The following SDK1 variants were observed in gnomAD, a reference collection of about 807,000 sequenced individuals.
SDK1 encodes the protein sidekick cell adhesion molecule 1.
SDK1 carries 157 observed loss-of-function variants against 245.5 expected under a neutral mutation model. The ratio of observed to expected loss-of-function variants is 0.64; its 90% confidence interval spans 0.56 to 0.73. The LOEUF (loss-of-function observed/expected upper bound fraction) is 0.73, where lower values mean the gene tolerates loss of function less well. SDK1 is among the 30% of genes least tolerant of loss of function. The pLI is 0.00. For synonymous variants in SDK1, 1,647 were observed against 1,278.5 expected, an observed-to-expected ratio of 1.29 and a Z score of -6.15; for missense variants, 3,583 against 3,002.3, an observed-to-expected ratio of 1.19 and a Z score of -4.52.
chr7:4,207,293 C>A (rs1468623566), intron 36 of SDK1, among the ~76,000 whole-genome samples: 2 of 152,216 alleles, frequency 1.3e-5, no homozygotes, highest in African/African-American at 2.4e-5. Flanking sequence ...TGGTTTAGAC[C>A]CACAGAGCCA....
chr7:3,712,476 A>C (rs1323877539), intron 4 of SDK1, among the ~76,000 whole-genome samples: 1 of 152,220 alleles, frequency 6.6e-6, no homozygotes, highest in Non-Finnish European at 1.5e-5. Flanking sequence ...TAATAGAATT[A>C]AAGTACACAA....
intron 4 of SDK1, among the ~76,000 whole-genome samples, chr7:3,689,070 TGTG>T (rs1784369963): frequency 6.6e-6 from 1 of 152,344 alleles, no homozygotes; most frequent in East Asian, 1.9e-4. Flanking sequence ...ATGTGTCACT[TGTG>T]GTGGTTTTTC....
At chr7:3,458,274 T>G (rs1436931685) in intron 1 of SDK1, among the ~76,000 whole-genome samples, 2 of 152,178 alleles carry the variant, frequency 1.3e-5, no homozygotes, top group Non-Finnish European at 2.9e-5. Context: ...ATTATTTCTT[T>G]CCCCTGTTGT....
At chr7:3,936,495 G>A (rs1294258038) in intron 5 of SDK1, among the ~76,000 whole-genome samples, 1 of 151,508 alleles carries the variant, frequency 6.6e-6, no homozygotes, top group Non-Finnish European at 1.5e-5. Flanking sequence ...TGAGGCAGGA[G>A]AAACACGTGA....
chr7:3,714,671 G>C (rs1322226126), intron 4 of SDK1, among the ~76,000 whole-genome samples: 4 of 152,204 alleles, frequency 2.6e-5, no homozygotes, highest in Non-Finnish European at 5.9e-5. Context: ...GTACAGAACT[G>C]CTGTGTAATT....
Position 3,758,857 on chromosome 7 carries a change from A to G in SDK1, c.714-62593A>G, listed in dbSNP as rs114386934. Among the ~76,000 whole-genome samples, 211 of 152,298 alleles carry G rather than the reference A, an allele frequency of 1.4e-3. 1 individual carries two copies. The highest frequency in any genetic ancestry group is 4.8e-3 in the African/African-American group (201 of 41,566). On this transcript the variant is annotated intron_variant, in intron 4 of 44. Transcript: ENST00000404826. Reference sequence around the variant, plus strand: ...CAGGTATATGTATTCCAACCCATGTATACACACAAGTCTCTGTTCCTGTCT... The same window carrying G: ...CAGGTATATGTATTCCAACCCATGTGTACACACAAGTCTCTGTTCCTGTCT...
intron 1 of SDK1, among the ~76,000 whole-genome samples, chr7:3,612,096 G>GGT (rs1031567580): frequency 1.3e-5 from 2 of 152,122 alleles, no homozygotes; most frequent in Admixed American, 1.3e-4. Flanking sequence ...TGTGGGAAAG[G>GGT]GTGGGACGGG....
rs1785669558 is a variant in SDK1 at position 4,230,260 on chromosome 7, T to G, written c.5828-2995T>G. On this transcript the variant is annotated intron_variant, in intron 40 of 44. Coordinates refer to ENST00000404826, the MANE Select transcript of SDK1 (RefSeq NM_152744.4). ...ATAGATGGATAGGTGGATGGGTGAG[T>G]GGGTGGATGAATGGATGAATGGATG... 2.7e-5 allele frequency among the ~76,000 whole-genome samples: 4 copies of G among 148,510 alleles called. No individual in the cohort carries two copies. The South Asian group carries it at 6.4e-4, about 24-fold the overall frequency.
intron 14 of SDK1, among the ~76,000 whole-genome samples, chr7:3,992,646 T>C (rs1480110540): frequency 1.3e-5 from 2 of 152,210 alleles, no homozygotes; most frequent in African/African-American, 4.8e-5. Context: ...ATGATCTTTC[T>C]TTGAGATTAT....
intron 2 of SDK1, among the ~76,000 whole-genome samples, chr7:3,619,487 CA>C (rs1250178072): frequency 6.6e-6 from 1 of 152,186 alleles, no homozygotes; most frequent in Non-Finnish European, 1.5e-5. Context: ...TATCAGTCAA[CA>C]AAAACCTATG....
chr7:3,504,176 A>ATGTGTGTGTGTGTG (rs1453810894), intron 1 of SDK1, among the ~76,000 whole-genome samples: 8 of 58,324 alleles, frequency 1.4e-4, no homozygotes, highest in African/African-American at 4.8e-4. Flanking sequence ...AATTATATAT[A>ATGTGTGTGTGTGTG]TATATATGTG....
intron 4 of SDK1, among the ~76,000 whole-genome samples, chr7:3,760,287 C>T (rs1047074056): frequency 2.0e-5 from 3 of 152,124 alleles, no homozygotes; most frequent in African/African-American, 7.2e-5. Context: ...TTTCAGATGA[C>T]CACAGTTACA....
chr7:3,502,990 T>A (rs1360026782), intron 1 of SDK1, among the ~76,000 whole-genome samples: 3 of 152,190 alleles, frequency 2.0e-5, no homozygotes, highest in African/African-American at 4.8e-5. Context: ...TTCTTGGAAT[T>A]ACTTACACTG....
rs937249934 is a variant in SDK1, at chr7:3,428,226, G to A, written c.298+126342G>A. Among the ~76,000 whole-genome samples, 3 of 152,174 alleles carry A rather than the reference G, an allele frequency of 2.0e-5. No individual in the cohort carries two copies. In the East Asian group the frequency reaches 5.8e-4, roughly 29 times the overall value. The stretch of plus-strand genomic sequence containing the variant: ...AGATCTGTTATTTACTCAGTGATTG[G>A]TGCACTGAATAGCTAGTGGTGAAGT... On this transcript the variant is annotated intron_variant, in intron 1 of 44. Coordinates refer to ENST00000404826, the MANE Select transcript of SDK1 (RefSeq NM_152744.4).
At chr7:3,464,714 A>G (rs1780938853) in intron 1 of SDK1, among the ~76,000 whole-genome samples, 1 of 151,248 alleles carries the variant, frequency 6.6e-6, no homozygotes, top group East Asian at 1.9e-4. Context: ...ATATATATAT[A>G]TACACACACA....
In SDK1 at chr7:4,018,999, C is replaced by T. The variant is rs114071685; in HGVS notation, c.2602+1647C>T. 7.9e-3 allele frequency among the ~76,000 whole-genome samples: 1,203 copies of T among 152,272 alleles called. 18 individuals carry two copies. The highest frequency in any genetic ancestry group is 0.027 in the African/African-American group (1,139 of 41,540). On this transcript the variant is annotated intron_variant, in intron 17 of 44. Transcript: ENST00000404826. The stretch of plus-strand genomic sequence containing the variant: ...ACGCCATTGTTTTCAAAACAGCTCT[C>T]ATGGATTCCAGGGTTGTGCCTTCCA...
intron 4 of SDK1, among the ~76,000 whole-genome samples, chr7:3,675,690 C>T (rs989129512): frequency 2.0e-5 from 3 of 152,120 alleles, no homozygotes; most frequent in African/African-American, 7.2e-5. Flanking sequence ...CCACTTACCT[C>T]AGCCACTACA....
At chr7:3,846,425 T>C (rs952744237) in intron 5 of SDK1, among the ~76,000 whole-genome samples, 2 of 152,196 alleles carry the variant, frequency 1.3e-5, no homozygotes, top group Admixed American at 6.5e-5. Context: ...TATCTACTGA[T>C]AGGTCATTTC....
intron 4 of SDK1, among the ~76,000 whole-genome samples, chr7:3,752,262 T>A (rs1222185489): frequency 6.6e-6 from 1 of 152,206 alleles, no homozygotes; most frequent in Non-Finnish European, 1.5e-5. Flanking sequence ...ATTATTTGTA[T>A]CTTAATGCAT....
Sources: allele counts gnomAD v4.1 joint callset (sites outside exome capture counted in the v4.1 genomes callset), GRCh38; gene constraint gnomAD v4.1.1; transcripts MANE v1.5; gene names NCBI Gene and HGNC (gene_info 2026-07-23, HGNC 2026-07-21).